The following PMEPA1 variants were observed in gnomAD, a reference collection of about 807,000 sequenced individuals.
PMEPA1 encodes protein TMEPAI.
In PMEPA1, 11 loss-of-function variants were observed where a neutral mutation model predicts 23.0. That is an observed-to-expected ratio of 0.48 (90% confidence interval 0.30 to 0.79). The LOEUF is 0.79. PMEPA1 is among the 30% of genes least tolerant of loss of function. The pLI is 0.06. For missense variants in PMEPA1, 377 were observed against 390.9 expected (o/e 0.96, Z 0.30); for synonymous variants, 204 against 166.4 (o/e 1.23, Z -1.74).
rs113566197 is a variant in PMEPA1 at position 57,652,653 on chromosome 20, A to T, written c.319-55T>A. ...GGCGGCTGTCTCAGGTGGGTTGTCC[A>T]GAAGCGATCCTGAGACTGGAGTTCT... On this transcript the variant is annotated intron_variant, in intron 3 of 3. Transcript: ENST00000341744. The surrounding 1 kb of genome is among the most constrained non-coding windows in gnomAD (Gnocchi z 6.1). The T allele has an allele frequency of 1.4e-3, 1,939 of 1,355,502 alleles. 25 individuals are homozygous for T. In the African/African-American group the frequency reaches 0.025, roughly 17 times the overall value. 84.0% of individuals were successfully genotyped at this position (1,355,502 alleles called of 1,614,324 possible). A position where few individuals can be genotyped will look rare whatever the true frequency, so the allele number is the denominator to read the frequency against.
chr20:57,672,122 A>G (rs2071577009), intron 1 of PMEPA1, among the ~76,000 whole-genome samples: 1 of 152,244 alleles, frequency 6.6e-6, no homozygotes, highest in East Asian at 1.9e-4. Flanking sequence ...GTATTCGTAA[A>G]TTGTTTGCAT....
Position 57,651,776 on chromosome 20 carries a change from GACT to G in PMEPA1, c.*274_*276del, listed in dbSNP as rs1218671742. ...ACGCAGCTCAACTAGAAACAAGAAA[GACT>G]ACTGTAGAAATTTTTTTTCTTTTGC... On this transcript the variant is annotated 3_prime_UTR_variant, in exon 4 of 4. Coordinates refer to ENST00000341744, the MANE Select transcript of PMEPA1 (RefSeq NM_020182.5). 4 of 296,154 alleles carry G rather than the reference GACT, an allele frequency of 1.4e-5. No homozygotes were observed. Among genetic ancestry groups the G allele is most frequent in the Non-Finnish European group, 2.5e-5 (4 of 163,144 alleles). 18.3% of individuals were successfully genotyped at this position (296,154 alleles called of 1,614,324 possible). A position where few individuals can be genotyped will look rare whatever the true frequency, so the allele number is the denominator to read the frequency against.
In PMEPA1 at chr20:57,649,849, G is replaced by A. The variant is rs1026871228; in HGVS notation, c.*2204C>T. 3 of 152,670 alleles carry A rather than the reference G, an allele frequency of 2.0e-5. No homozygotes were observed. Among genetic ancestry groups the A allele is most frequent in the East Asian group, 1.9e-4 (1 of 5,174 alleles). The allele number at this position is 152,670 out of a possible 1,614,324, so 9.5% of individuals were successfully genotyped here. On this transcript the variant is annotated 3_prime_UTR_variant, in exon 4 of 4. Transcript: ENST00000341744. ...GGTGAGTGAGGCACTGTCCGGGAACGTCCTCACCGAGCGACGGGAGTGTCA... is the reference window on the plus strand; with the variant it reads ...GGTGAGTGAGGCACTGTCCGGGAACATCCTCACCGAGCGACGGGAGTGTCA...
At chr20:57,695,223 G>A (rs1186330261) in intron 1 of PMEPA1, among the ~76,000 whole-genome samples, 1 of 152,254 alleles carries the variant, frequency 6.6e-6, no homozygotes, top group Non-Finnish European at 1.5e-5. Flanking sequence ...AGGTGAGGCG[G>A]GCAGGCGGTG....
chr20:57,666,331 G>A (rs969065395), intron 1 of PMEPA1, among the ~76,000 whole-genome samples: 8 of 152,118 alleles, frequency 5.3e-5, no homozygotes, highest in African/African-American at 1.4e-4. Flanking sequence ...CCACTCCCTA[G>A]ATGCCATGCA....
chr20:57,710,481 G>C (rs1222493749), upstream of PMEPA1: 6 of 1,607,842 alleles, frequency 3.7e-6, no homozygotes, highest in Middle Eastern at 1.7e-4. Context: ...TTTCGCAGGA[G>C]ACTGTCCGCC....
At chr20:57,705,981 A>G (rs1052301504) in intron 1 of PMEPA1, among the ~76,000 whole-genome samples, 1 of 152,204 alleles carries the variant, frequency 6.6e-6, no homozygotes, top group African/African-American at 2.4e-5. Context: ...GTCAAACAGC[A>G]TGTGCCAGGC....
intron 1 of PMEPA1, among the ~76,000 whole-genome samples, chr20:57,679,284 G>A (rs1437563090): frequency 6.6e-6 from 1 of 152,214 alleles, no homozygotes; most frequent in Non-Finnish European, 1.5e-5. Context: ...TCAAGGGCAA[G>A]AAACCCTACC....
rs536097600 is a variant in PMEPA1, at chr20:57,682,850, T to C, written c.110-23153A>G. Among the ~76,000 whole-genome samples, 1 of 152,340 alleles carries C rather than the reference T, an allele frequency of 6.6e-6. No individual in the cohort carries two copies. The highest frequency in any genetic ancestry group is 2.4e-5 in the African/African-American group (1 of 41,570). The stretch of plus-strand genomic sequence containing the variant: ...AAGGAAGGCGGCTCGCCAGATTTGT[T>C]TCGAATTATGAAAATAGATGTTGTC... On this transcript the variant is annotated intron_variant, in intron 1 of 3. Transcript: ENST00000341744. The surrounding 1 kb of genome is among the most constrained non-coding windows in gnomAD (Gnocchi z 4.4).
At chr20:57,701,350 C>A (rs2072008675) in intron 1 of PMEPA1, among the ~76,000 whole-genome samples, 1 of 152,196 alleles carries the variant, frequency 6.6e-6, no homozygotes, top group Admixed American at 6.5e-5. Flanking sequence ...CAAAACACTC[C>A]CAGTCTGCAG....
intron 1 of PMEPA1, chr20:57,691,690 C>T (rs1171687457): frequency 1.3e-5 from 2 of 152,118 alleles, no homozygotes; most frequent in African/African-American, 2.4e-5. Context: ...GAGGCAGGAC[C>T]CTCACCCTCA....
At chr20:57,661,361 G>C (rs1056567007) in intron 1 of PMEPA1, among the ~76,000 whole-genome samples, 1 of 152,208 alleles carries the variant, frequency 6.6e-6, no homozygotes. Context: ...ACACGGCAGA[G>C]TGGGCACCAG....
upstream of PMEPA1, chr20:57,710,049 C>A (rs1376566419): frequency 1.0e-6 from 1 of 999,742 alleles, no homozygotes; most frequent in African/African-American, 1.7e-5. Context: ...GTTCCCACCG[C>A]GCGGGGGCCG....
At chr20:57,675,847 C>T (rs1433196602) in intron 1 of PMEPA1, among the ~76,000 whole-genome samples, 1 of 152,196 alleles carries the variant, frequency 6.6e-6, no homozygotes, top group African/African-American at 2.4e-5. Flanking sequence ...GGTCTAAATC[C>T]GTTGAGTCTT....
intron 1 of PMEPA1, among the ~76,000 whole-genome samples, chr20:57,663,493 G>A (rs2071451678): frequency 1.3e-5 from 2 of 152,280 alleles, no homozygotes; most frequent in South Asian, 2.1e-4. Context: ...GTGCTCCCTG[G>A]AGGTGGACCC....
intron 1 of PMEPA1, chr20:57,700,107 T>C: frequency 2.1e-6 from 1 of 471,408 alleles, no homozygotes; most frequent in Non-Finnish European, 4.4e-6. Flanking sequence ...AACTGGCCCC[T>C]CCTGGAGACC....
intron 1 of PMEPA1, among the ~76,000 whole-genome samples, chr20:57,680,979 CG>C (rs1443800431): frequency 6.6e-6 from 1 of 150,976 alleles, no homozygotes; most frequent in African/African-American, 2.5e-5. Flanking sequence ...TCCCACGGGT[CG>C]GGGCCGGGTC....
rs1037418864 is a variant in PMEPA1 at position 57,670,129 on chromosome 20, C to A, written c.110-10432G>T. Among the ~76,000 whole-genome samples the A allele has an allele frequency of 2.6e-5, 4 of 151,824 alleles. 1 individual carries two copies. The highest frequency in any genetic ancestry group is 2.6e-4 in the Admixed American group (4 of 15,262). ...CCCCTCCACGTGCCCTGGCTGAGGG[C>A]CCCAAGGTGGCATCCAGGCACCAGA... is the stretch of plus-strand genomic sequence containing the variant. On this transcript the variant is annotated intron_variant, in intron 1 of 3. Transcript: ENST00000341744.
At position 57,659,531 on chromosome 20, in the gene PMEPA1, C is replaced by T. The variant is rs374731019; in HGVS notation, c.264+12G>A. ...CACCCTCAGGCCACAGATGGGATGG[C>T]GGGGCACTTACTGAGGACAGGGCAT... On this transcript the variant is annotated intron_variant, in intron 2 of 3. Coordinates refer to ENST00000341744, the MANE Select transcript of PMEPA1 (RefSeq NM_020182.5). 56 of 1,612,284 alleles carry T rather than the reference C, an allele frequency of 3.5e-5. No homozygotes were observed. Among genetic ancestry groups the T allele is most frequent in the Non-Finnish European group, 4.5e-5 (53 of 1,178,924 alleles).
Sources: allele counts gnomAD v4.1 joint callset (sites outside exome capture counted in the v4.1 genomes callset), GRCh38; gene constraint gnomAD v4.1.1; non-coding constraint Gnocchi (gnomAD v3.1); transcripts MANE v1.5; gene names NCBI Gene and HGNC (gene_info 2026-07-23, HGNC 2026-07-21).